Variants in ZNF408 observed in about 807,000 individuals in gnomAD.
The protein encoded by ZNF408 is PR domain zinc finger protein 17.
ZNF408 carries 24 observed loss-of-function variants against 27.6 expected under a neutral mutation model. The observed-to-expected ratio is 0.87, with a 90% CI of 0.63 to 1.22. ZNF408 has a LOEUF of 1.22. Among genes scored for constraint, ZNF408 ranks in the 50% most tolerant of loss-of-function variants. The probability of loss-of-function intolerance (pLI) is 0.00; values close to 1 mark genes in which losing one functional copy is unlikely to be tolerated. For synonymous variants in ZNF408, 410 were observed against 396.1 expected (o/e 1.04, Z -0.42); for missense variants, 897 against 949.0 (o/e 0.95, Z 0.72).
intron 3 of ZNF408, 57 bp from the exon 4 acceptor site, chr11:46,702,927 G>C: frequency 6.2e-7 from 1 of 1,603,322 alleles, no homozygotes; most frequent in Non-Finnish European, 8.5e-7. Flanking sequence ...TGGGGCTTTC[G>C]GGGAAGACCA....
In ZNF408 at chr11:46,704,678, A is replaced by T. The variant is rs1401744933; in HGVS notation, c.978A>T (p.Gly326=). The change falls in exon 5 of 5, where the codon GGA becomes GGT. Residue 326 remains glycine, a synonymous_variant. Coordinates refer to ENST00000311764, the MANE Select transcript of ZNF408 (RefSeq NM_024741.3). ...CPPRAKTPEP[G]AQQSGFPTLS... is the part of the protein sequence containing the mutation. ...CCAGAGCAAAGACCCCAGAGCCTGG[A>T]GCCCAGCAGTCTGGCTTCCCTACAC... 1 of 1,613,222 alleles carries T rather than the reference A, an allele frequency of 6.2e-7. No individual in the cohort carries two copies.
chr11:46,701,798 C>T (rs2064710263), intron 2 of ZNF408, 122 bp downstream of exon 2: 6 of 1,279,462 alleles, frequency 4.7e-6, no homozygotes, highest in African/African-American at 1.5e-5. Flanking sequence ...TAGTCTTGTC[C>T]CTTCTCTTCA....
In ZNF408 at chr11:46,704,553, C is replaced by T; in HGVS notation, c.853C>T (p.Pro285Ser). 1 of 1,613,644 alleles carries T rather than the reference C, an allele frequency of 6.2e-7. No individual in the cohort carries two copies. The highest frequency in any genetic ancestry group is 8.5e-7 in the Non-Finnish European group (1 of 1,179,896). ...LQSNSATQQD[P>S]DGSGASFSSS... ...GAGCAATTCGGCTACCCAGCAGGACCCAGATGGCAGTGGAGCCAGTTTCTC... is the reference window on the plus strand; with the variant it reads ...GAGCAATTCGGCTACCCAGCAGGACTCAGATGGCAGTGGAGCCAGTTTCTC... The change falls in exon 5 of 5, where the codon CCA becomes TCA. Residue 285 changes from proline to serine, a missense_variant. Coordinates refer to ENST00000311764, the MANE Select transcript of ZNF408 (RefSeq NM_024741.3).
intron 2 of ZNF408, 54 bp downstream of exon 2, chr11:46,701,730 G>T (rs2064709506): frequency 2.7e-6 from 4 of 1,468,582 alleles, no homozygotes; most frequent in Non-Finnish European, 3.6e-6. Context: ...GGGGAGGTTT[G>T]GACATTGCTA....
Position 46,704,839 on chromosome 11 carries a change from C to T in ZNF408, c.1139C>T (p.Pro380Leu). ...GCATTTGTGCACACGGGCCACAAGC[C>T]CTTTCTTTGCACTGAGTGTGGCAAG... ...KHAFVHTGHK[P>L]FLCTECGKSY... is the part of the protein sequence containing the mutation. The change falls in exon 5 of 5, where the codon CCC (proline) becomes CTC (leucine). Residue 380 changes from proline (P) to leucine (L), a missense_variant. Transcript: ENST00000311764. The T allele has an allele frequency of 1.9e-6, 3 of 1,600,742 alleles. No homozygotes were observed. Among genetic ancestry groups the T allele is most frequent in the Non-Finnish European group, 2.6e-6 (3 of 1,173,242 alleles).
Position 46,704,920 on chromosome 11 carries a change from G to A in ZNF408, c.1220G>A (p.Arg407Gln), listed in dbSNP as rs201645303. 23 of 1,613,234 alleles carry A rather than the reference G, an allele frequency of 1.4e-5. 1 individual carries two copies. The highest frequency in any genetic ancestry group is 7.7e-5 in the South Asian group (7 of 91,078). The change falls in exon 5 of 5, where the codon CGG (arginine) becomes CAG (glutamine). Residue 407 changes from arginine to glutamine, a missense_variant. Coordinates refer to ENST00000311764, the MANE Select transcript of ZNF408 (RefSeq NM_024741.3). The stretch of plus-strand genomic sequence containing the variant: ...CATATGCTGGGCCACCGTGGGGTGC[G>A]GCCCTTCCCCTGTCCACAATGCGAC... ...KAHMLGHRGV[R>Q]PFPCPQCDKA...
In ZNF408 at chr11:46,704,516, A is replaced by G. The variant is rs1317144230; in HGVS notation, c.816A>G (p.Pro272=). ...AATGCCCGGCCCAGGCACAGATGCCACCTGAACTTCAGAGCAATTCGGCTA... is the reference window on the plus strand; with the variant it reads ...AATGCCCGGCCCAGGCACAGATGCCGCCTGAACTTCAGAGCAATTCGGCTA... ...DEECPAQAQM[P]PELQSNSATQ... is the part of the protein sequence containing the mutation. The change falls in exon 5 of 5, where the codon CCA becomes CCG. Residue 272 remains proline, a synonymous_variant. Transcript: ENST00000311764. 14 of 1,613,990 alleles carry G rather than the reference A, an allele frequency of 8.7e-6. No individual in the cohort carries two copies. The highest frequency in any genetic ancestry group is 6.7e-5 in the East Asian group (3 of 44,878).
intron 4 of ZNF408, among the ~76,000 whole-genome samples, chr11:46,703,459 G>C (rs1171909506): frequency 6.6e-6 from 1 of 152,200 alleles, no homozygotes; most frequent in Non-Finnish European, 1.5e-5. Context: ...ATAGCTTAGG[G>C]TTGGTACATA....
Position 46,705,687 on chromosome 11 carries a change from A to G in ZNF408, c.1987A>G (p.Arg663Gly). 5 of 1,613,870 alleles carry G rather than the reference A, an allele frequency of 3.1e-6. No homozygotes were observed. The highest frequency in any genetic ancestry group is 4.2e-6 in the Non-Finnish European group (5 of 1,179,968). ...QAEPQLLDTH[R>G]EEEVSPARDV... is the part of the protein sequence containing the mutation. ...TGAGCCACAACTGCTGGACACACAC[A>G]GAGAGGAGGAAGTCTCCCCCGCCAG... The change falls in exon 5 of 5, where the codon AGA (arginine) becomes GGA (glycine). Residue 663 changes from arginine to glycine, a missense_variant. Physicochemically the swap from Arg to Gly is moderately radical, Grantham distance 125 (BLOSUM62 -2). Transcript: ENST00000311764. This position sits in a 1 kb window ranked among gnomAD's most constrained non-coding sequence, Gnocchi z 6.5.
At chr11:46,702,053 G>A (rs10769205) in intron 2 of ZNF408, 98,215 of 179,410 alleles carry the variant, frequency 0.55, 31,089 homozygotes, top group Non-Finnish European at 0.7. Flanking sequence ...ATGAAATAGT[G>A]AAGATAAAAG....
chr11:46,702,565 T>A, intron 2 of ZNF408, 139 bp from the exon 3 acceptor site: 1 of 803,368 alleles, frequency 1.2e-6, no homozygotes, highest in South Asian at 1.7e-5. Flanking sequence ...ACTGTCCTGT[T>A]AGAGGAGAAC....
At position 46,705,217 on chromosome 11, in the gene ZNF408, G is replaced by A. The variant is rs1337910600; in HGVS notation, c.1517G>A (p.Arg506His). 8 of 1,611,866 alleles carry A rather than the reference G, an allele frequency of 5.0e-6. No individual in the cohort carries two copies. Among genetic ancestry groups the A allele is most frequent in the African/African-American group, 2.7e-5 (2 of 75,046 alleles). Residue 506 changes from arginine (R) to histidine (H), a missense_variant, in exon 5 of 5, where the codon CGT becomes CAT. By Grantham distance (29) the Arg-to-His change is conservative (BLOSUM62 0). Transcript: ENST00000311764. This position sits in a 1 kb window ranked among gnomAD's most constrained non-coding sequence, Gnocchi z 6.5. Reference protein sequence around the residue: ...FLCPHCGRAFRQRGNLRGHLR... With the variant: ...FLCPHCGRAFHQRGNLRGHLR... ...TGCCCGCACTGTGGCCGGGCGTTTC[G>A]TCAGCGGGGCAACCTGCGTGGGCAT... is the stretch of plus-strand genomic sequence containing the variant.
chr11:46,705,362 G>C lies in ZNF408; in HGVS notation c.1662G>C (p.Pro554=). The C allele has an allele frequency of 6.4e-7, 1 of 1,564,066 alleles. No homozygotes were observed. Among genetic ancestry groups the C allele is most frequent in the South Asian group, 1.2e-5 (1 of 86,200 alleles). Residue 554 remains proline (P), a synonymous_variant, in exon 5 of 5, where the codon CCG becomes CCC. Coordinates refer to ENST00000311764, the MANE Select transcript of ZNF408 (RefSeq NM_024741.3). This position sits in a 1 kb window ranked among gnomAD's most constrained non-coding sequence, Gnocchi z 6.5. ...ACACCGGGGAGGCCCACTTGTGCCC[G>C]GTGTGTGGCAAGGCCCTCCGAGACC... ...ISHTGEAHLC[P]VCGKALRDPH...
intron 1 of ZNF408, 135 bp from the exon 2 acceptor site, chr11:46,701,264 T>C: frequency 1.3e-6 from 2 of 1,562,188 alleles, no homozygotes; most frequent in Non-Finnish European, 1.7e-6. Context: ...CTCAAAACTT[T>C]CAGGGCCCTC....
In ZNF408 at chr11:46,705,805, A is replaced by G. The variant is rs1339906888; in HGVS notation, c.2105A>G (p.His702Arg). The G allele has an allele frequency of 6.2e-7, 1 of 1,612,446 alleles. No homozygotes were observed. The highest frequency in any genetic ancestry group is 8.5e-7 in the Non-Finnish European group (1 of 1,179,474). The change falls in exon 5 of 5, where the codon CAT (histidine) becomes CGT (arginine). Residue 702 changes from histidine (H) to arginine (R), a missense_variant. Physicochemically the swap from His to Arg is conservative, Grantham distance 29. Coordinates refer to ENST00000311764, the MANE Select transcript of ZNF408 (RefSeq NM_024741.3). The surrounding 1 kb of genome is among the most constrained non-coding windows in gnomAD (Gnocchi z 6.5). Reference protein sequence around the residue: ...PDAAPSLVLIHKDMGLGAWAE... With the variant: ...PDAAPSLVLIRKDMGLGAWAE... The stretch of plus-strand genomic sequence containing the variant: ...GCCGCCCCCAGCCTGGTGCTAATCC[A>G]TAAGGACATGGGCCTCGGCGCCTGG...
Position 46,701,214 on chromosome 11 carries a change from C to T in ZNF408, c.52+115C>T, listed in dbSNP as rs1021264390. 2.5e-6 allele frequency: 4 copies of T among 1,585,586 alleles called. No homozygotes were observed. In the Admixed American group the frequency reaches 5.1e-5, roughly 20 times the overall value. On this transcript the variant is annotated intron_variant, in intron 1 of 4. Coordinates refer to ENST00000311764, the MANE Select transcript of ZNF408 (RefSeq NM_024741.3). ...CCGGATCCCAGGATCCTCCAGTGCCCTCAGAGTCGCTGGGGGCTTCTGAAG... is the reference window on the plus strand; with the variant it reads ...CCGGATCCCAGGATCCTCCAGTGCCTTCAGAGTCGCTGGGGGCTTCTGAAG...
rs945267104 is a variant in ZNF408 at position 46,703,189 on chromosome 11, G to C, written c.598G>C (p.Ala200Pro). 1 of 1,613,392 alleles carries C rather than the reference G, an allele frequency of 6.2e-7. No individual in the cohort carries two copies. Among genetic ancestry groups the C allele is most frequent in the African/African-American group, 1.3e-5 (1 of 75,054 alleles). ...AVAVVTEVESAVQQEVASPGE... is the reference protein window; with the variant it reads ...AVAVVTEVESPVQQEVASPGE... ...AGCAGTGGTGACAGAAGTGGAGTCT[G>C]CTGTACAGCAGGAAGTGGCCTCCCC... is the stretch of plus-strand genomic sequence containing the variant. The change falls in exon 4 of 5, where the codon GCT becomes CCT. Residue 200 changes from alanine to proline, a missense_variant. Transcript: ENST00000311764.
chr11:46,703,679 CG>C (rs2134508231), intron 4 of ZNF408, among the ~76,000 whole-genome samples: 1 of 150,858 alleles, frequency 6.6e-6, no homozygotes, highest in East Asian at 1.9e-4. Flanking sequence ...TTCTCTCTGG[CG>C]TGGGGGTTCT....
chr11:46,703,176 A>G lies in ZNF408; in HGVS notation c.585A>G (p.Thr195=). The part of the protein sequence containing the change: ...LDKEAAVAVV[T]EVESAVQQEV... ...AAGAGGCAGCTGTAGCAGTGGTGAC[A>G]GAAGTGGAGTCTGCTGTACAGCAGG... Residue 195 remains threonine (T), a synonymous_variant, in exon 4 of 5, where the codon ACA becomes ACG. Coordinates refer to ENST00000311764, the MANE Select transcript of ZNF408 (RefSeq NM_024741.3). The G allele has an allele frequency of 8.7e-7, 1 of 1,156,064 alleles. No individual in the cohort carries two copies. The highest frequency in any genetic ancestry group is 1.1e-6 in the Non-Finnish European group (1 of 880,152). The allele number at this position is 1,156,064 out of a possible 1,614,324, so 71.6% of individuals were successfully genotyped here.
Sources: allele counts gnomAD v4.1 joint callset (sites outside exome capture counted in the v4.1 genomes callset), GRCh38; gene constraint gnomAD v4.1.1; non-coding constraint Gnocchi (gnomAD v3.1); transcripts MANE v1.5; gene names NCBI Gene and HGNC (gene_info 2026-07-23, HGNC 2026-07-21).